Variants in TNN observed in about 807,000 individuals in gnomAD.
TNN encodes the protein tenascin N, also known as tenascin-N.
In TNN, 122 loss-of-function variants were observed where a neutral mutation model predicts 134.4. The observed-to-expected ratio is 0.91, with a 90% CI of 0.78 to 1.06. The LOEUF (loss-of-function observed/expected upper bound fraction) is 1.06. Among genes scored for constraint, TNN ranks in the 50% least tolerant of loss-of-function variants. The pLI is 0.00. For missense variants in TNN, 1,739 were observed against 1,699.4 expected (o/e 1.02, Z -0.41); for synonymous variants, 710 against 670.3 (o/e 1.06, Z -0.91).
intron 6 of TNN, among the ~76,000 whole-genome samples, chr1:175,086,537 C>T (rs557492267): frequency 2.8e-4 from 42 of 152,272 alleles, no homozygotes; most frequent in Non-Finnish European, 5.1e-4. Flanking sequence ...ATCCTTGGAG[C>T]TGGTAAAGAA....
chr1:175,118,899 G>C, intron 11 of TNN, 75 bp downstream of exon 11: 1 of 1,572,380 alleles, frequency 6.4e-7, no homozygotes, highest in Non-Finnish European at 8.6e-7. Flanking sequence ...TGATGATGCA[G>C]CTGCTTTTGG....
chr1:175,139,367 T>C (rs1379804911), intron 17 of TNN, among the ~76,000 whole-genome samples: 1 of 152,206 alleles, frequency 6.6e-6, no homozygotes, highest in Non-Finnish European at 1.5e-5. Flanking sequence ...TTTTTTTCTA[T>C]TTAAACATTT....
rs1479836985 is a variant in TNN, at chr1:175,079,625, C to T, written c.702C>T (p.Pro234=). 1.9e-6 allele frequency: 3 copies of T among 1,604,148 alleles called. No individual in the cohort carries two copies. The highest frequency in any genetic ancestry group is 2.3e-5 in the East Asian group (1 of 44,330). Residue 234 remains proline (P), a synonymous_variant, in exon 3 of 19, where the codon CCC becomes CCT. Transcript: ENST00000239462. The stretch of plus-strand genomic sequence containing the variant: ...AGGACTGCAGCGAGAAGCGCTGTCC[C>T]GGCGACTGCAGCGGCCACGGCTTCT... ...MSEDCSEKRC[P]GDCSGHGFCD...
chr1:175,071,607 G>GT (rs1385945177), intron 1 of TNN, among the ~76,000 whole-genome samples: 1 of 152,052 alleles, frequency 6.6e-6, no homozygotes, highest in Non-Finnish European at 1.5e-5. Context: ...TGTTTTTTTT[G>GT]TTTTTGTTTT....
At position 175,083,984 on chromosome 1, in the gene TNN, G is replaced by A. The variant is rs755780512; in HGVS notation, c.1234+49G>A. ...AGATGTATGCTGTGGATGCAGAGGTGGGGATAGTGTGTGCAGAGGGCACTG... is the reference window on the plus strand; with the variant it reads ...AGATGTATGCTGTGGATGCAGAGGTAGGGATAGTGTGTGCAGAGGGCACTG... On this transcript the variant is annotated intron_variant, in intron 5 of 18. Transcript: ENST00000239462. 3.8e-6 allele frequency: 6 copies of A among 1,586,906 alleles called. No individual in the cohort carries two copies. The East Asian group carries it at 1.3e-4, about 36-fold the overall frequency.
intron 1 of TNN, among the ~76,000 whole-genome samples, chr1:175,068,890 A>G (rs946248513): frequency 1.3e-5 from 2 of 152,234 alleles, no homozygotes; most frequent in Non-Finnish European, 2.9e-5. Flanking sequence ...CCTGGGCAAC[A>G]AGAGCAAAAC....
At chr1:175,138,802 A>T (rs1241048103) in intron 17 of TNN, among the ~76,000 whole-genome samples, 1 of 152,210 alleles carries the variant, frequency 6.6e-6, no homozygotes, top group Non-Finnish European at 1.5e-5. Flanking sequence ...ATCATTGTGC[A>T]AACATCATAG....
At chr1:175,140,549 G>A (rs1450678969) in intron 17 of TNN, among the ~76,000 whole-genome samples, 1 of 152,184 alleles carries the variant, frequency 6.6e-6, no homozygotes, top group Non-Finnish European at 1.5e-5. Context: ...TGATGCCAAT[G>A]GGAAAGAGAC....
Position 175,085,499 on chromosome 1 carries a change from G to A in TNN, c.1324+5G>A. 1 of 1,588,164 alleles carries A rather than the reference G, an allele frequency of 6.3e-7. No homozygotes were observed. Among genetic ancestry groups the A allele is most frequent in the Non-Finnish European group, 8.6e-7 (1 of 1,157,708 alleles). On this transcript the variant is annotated splice_donor_5th_base_variant and intron_variant, in intron 6 of 18. Transcript: ENST00000239462. The stretch of plus-strand genomic sequence containing the variant: ...TCCTCCTGAATGGCAGGACAGGTGA[G>A]AGCTACTTGGAGGCACTATGGGCAT...
intron 8 of TNN, 90 bp downstream of exon 8, chr1:175,097,773 G>A: frequency 6.5e-7 from 1 of 1,528,746 alleles, no homozygotes; most frequent in Non-Finnish European, 8.8e-7. Flanking sequence ...TGAGCAGAAA[G>A]ACTTTGCAAT....
chr1:175,128,942 G>A (rs529447231), intron 15 of TNN, among the ~76,000 whole-genome samples, 196 bp downstream of exon 15: 1 of 152,158 alleles, frequency 6.6e-6, no homozygotes, highest in Non-Finnish European at 1.5e-5. Flanking sequence ...CAGATCCCAA[G>A]AGAAGGTTCT....
rs529062630 is a variant in TNN, at chr1:175,097,452, G to A, written c.1624G>A (p.Val542Met). ...DSPANLVTDRVTENTATISWD... is the reference protein window; with the variant it reads ...DSPANLVTDRMTENTATISWD... ...CCCAGCAAACCTGGTGACTGACCGGGTGACTGAGAATACCGCCACCATCTC... is the reference window on the plus strand; with the variant it reads ...CCCAGCAAACCTGGTGACTGACCGGATGACTGAGAATACCGCCACCATCTC... The change falls in exon 8 of 19, where the codon GTG becomes ATG. Residue 542 changes from valine (V) to methionine (M), a missense_variant. By Grantham distance (21) the Val-to-Met change is conservative. Transcript: ENST00000239462. 1.1e-4 allele frequency: 180 copies of A among 1,614,236 alleles called. 2 individuals carry two copies. The South Asian group carries it at 1.9e-3, about 17-fold the overall frequency.
intron 6 of TNN, among the ~76,000 whole-genome samples, chr1:175,086,844 C>T (rs752625550): frequency 6.6e-5 from 10 of 152,202 alleles, no homozygotes; most frequent in Non-Finnish European, 1.0e-4. Context: ...TACTTCTGTG[C>T]TTCCAGTGGC....
At chr1:175,077,264 T>C (rs1674061972) in intron 1 of TNN, 120 bp from the exon 2 acceptor site, 2 of 775,406 alleles carry the variant, frequency 2.6e-6, no homozygotes, top group South Asian at 1.8e-5. Flanking sequence ...TTGGGAGAAA[T>C]AGAATGAGTT....
chr1:175,076,814 T>G (rs1434813779), intron 1 of TNN, among the ~76,000 whole-genome samples: 1 of 152,202 alleles, frequency 6.6e-6, no homozygotes, highest in African/African-American at 2.4e-5. Context: ...CCTGCCACTC[T>G]GAGCTGGGTG....
chr1:175,136,730 T>G (rs1675820535), intron 16 of TNN, 91 bp from the exon 17 acceptor site: 8 of 1,256,598 alleles, frequency 6.4e-6, no homozygotes, highest in Non-Finnish European at 8.8e-6. Flanking sequence ...CTAAAGTGAC[T>G]TTAGGTTCTG....
In TNN at chr1:175,099,586, C is replaced by G. The variant is rs199806969; in HGVS notation, c.2119+991C>G. Among the ~76,000 whole-genome samples, 450 of 86,794 alleles carry G rather than the reference C, an allele frequency of 5.2e-3. 2 individuals are homozygous for G. Among genetic ancestry groups the G allele is most frequent in the Middle Eastern group, 6.7e-3 (1 of 150 alleles). 56.9% of individuals were successfully genotyped at this position (86,794 alleles called of 152,430 possible). A position where few individuals can be genotyped will look rare whatever the true frequency, so the allele number is the denominator to read the frequency against. The stretch of plus-strand genomic sequence containing the variant: ...GGTCCTGGAAGAGGAGAGATGAGGG[C>G]TCAGGAGGAGGAGAGGTGAGGGGTC... On this transcript the variant is annotated intron_variant, in intron 9 of 18. Coordinates refer to ENST00000239462, the MANE Select transcript of TNN (RefSeq NM_022093.2).
intron 1 of TNN, among the ~76,000 whole-genome samples, chr1:175,074,566 C>T (rs1332753025): frequency 6.6e-6 from 1 of 151,716 alleles, no homozygotes; most frequent in Non-Finnish European, 1.5e-5. Context: ...AAGAAGTGTC[C>T]CATTGACTAT....
chr1:175,105,216 C>G (rs892063500), intron 9 of TNN, among the ~76,000 whole-genome samples: 2 of 146,050 alleles, frequency 1.4e-5, no homozygotes, highest in Admixed American at 1.4e-4. Flanking sequence ...TGTAGGACAT[C>G]TATGTACCTA....
Sources: gnomAD v4.1 joint callset for allele counts (sites outside exome capture counted in the v4.1 genomes callset) on GRCh38, gnomAD v4.1.1 for gene constraint, MANE v1.5 for transcripts, NCBI Gene and HGNC (gene_info 2026-07-23, HGNC 2026-07-21) for gene names.